The following CLSTN2 variants were observed in gnomAD, a reference collection of about 807,000 sequenced individuals.
CLSTN2 encodes the protein calsyntenin-2.
A neutral mutation model predicts 101.2 loss-of-function variants in CLSTN2; 48 were observed. That is an observed-to-expected ratio of 0.47 (90% CI 0.38 to 0.60). The LOEUF (loss-of-function observed/expected upper bound fraction) is 0.60, where lower values mean the gene tolerates loss of function less well. Among genes scored for constraint, CLSTN2 ranks in the 20% least tolerant of loss-of-function variants. The pLI is 0.00. For synonymous variants in CLSTN2, 481 were observed against 463.6 expected (o/e 1.04, Z -0.48); for missense variants, 1,160 against 1,238.2 (o/e 0.94, Z 0.95).
At chr3:140,158,298 A>C (rs1576449477) in intron 1 of CLSTN2, among the ~76,000 whole-genome samples, 1 of 152,356 alleles carries the variant, frequency 6.6e-6, no homozygotes, top group East Asian at 1.9e-4. Flanking sequence ...ATATACCAGG[A>C]AAAACCTAAA....
intron 1 of CLSTN2, among the ~76,000 whole-genome samples, chr3:139,971,940 C>T (rs1278845369): frequency 6.6e-6 from 1 of 151,948 alleles, no homozygotes; most frequent in Non-Finnish European, 1.5e-5. Flanking sequence ...TGAGGAGGGT[C>T]AGGGAGACTG....
intron 3 of CLSTN2, 23 bp downstream of exon 3, chr3:140,403,847 C>G (rs370042302): frequency 1.4e-5 from 22 of 1,581,936 alleles, no homozygotes; most frequent in African/African-American, 2.7e-5. Context: ...ACAGAGCCCT[C>G]TGGACGCCCC....
At chr3:140,105,865 G>C (rs573627180) in intron 1 of CLSTN2, among the ~76,000 whole-genome samples, 1 of 152,302 alleles carries the variant, frequency 6.6e-6, no homozygotes, top group South Asian at 2.1e-4. Flanking sequence ...CAGCACATGG[G>C]ACCCTCTCTG....
chr3:139,999,845 C>G (rs973121411), intron 1 of CLSTN2, among the ~76,000 whole-genome samples: 3 of 151,986 alleles, frequency 2.0e-5, no homozygotes, highest in Non-Finnish European at 2.9e-5. Context: ...GTCCCAGCTA[C>G]TCAGGATGCT....
chr3:140,512,368 T>C (rs1934832108), intron 8 of CLSTN2, among the ~76,000 whole-genome samples: 1 of 152,226 alleles, frequency 6.6e-6, no homozygotes. Flanking sequence ...ATTTATTAAA[T>C]AGGGAATGCT....
intron 2 of CLSTN2, among the ~76,000 whole-genome samples, chr3:140,373,290 G>A (rs764351458): frequency 3.3e-5 from 5 of 152,132 alleles, no homozygotes; most frequent in African/African-American, 4.8e-5. Context: ...AAACCCTGAG[G>A]ACTGTTGTTC....
intron 1 of CLSTN2, among the ~76,000 whole-genome samples, chr3:140,124,131 G>A (rs992922328): frequency 6.6e-6 from 1 of 152,036 alleles, no homozygotes; most frequent in African/African-American, 2.4e-5. Context: ...AAGGCATATG[G>A]GGAACAGAGA....
intron 2 of CLSTN2, among the ~76,000 whole-genome samples, chr3:140,215,896 A>T (rs1412697260): frequency 6.6e-6 from 1 of 152,236 alleles, no homozygotes; most frequent in African/African-American, 2.4e-5. Flanking sequence ...TTTTGTTAAG[A>T]AAGTGGAAAC....
At chr3:140,197,048 A>G (rs1330967547) in intron 2 of CLSTN2, among the ~76,000 whole-genome samples, 1 of 152,236 alleles carries the variant, frequency 6.6e-6, no homozygotes, top group Non-Finnish European at 1.5e-5. Flanking sequence ...AAGCTTAAAG[A>G]CATGACAAAA....
intron 4 of CLSTN2, among the ~76,000 whole-genome samples, chr3:140,419,677 A>ACG: frequency 4.7e-5 from 3 of 63,554 alleles, no homozygotes; most frequent in Admixed American, 1.3e-4. Context: ...ATGAATATGT[A>ACG]TATACGTATA....
rs544804510 is a variant in CLSTN2, at chr3:140,369,628, G to A, written c.233-34001G>A. Among the ~76,000 whole-genome samples the A allele has an allele frequency of 3.9e-5, 6 of 152,140 alleles. No homozygotes were observed. In the South Asian group the frequency reaches 1.2e-3, roughly 32 times the overall value. On this transcript the variant is annotated intron_variant, in intron 2 of 16. Transcript: ENST00000458420. ...TGGTCCTTTCAACTTCTGCTTGGCCGCATGAGTTGGAGCTAAATATTAGCC... is the reference window on the plus strand; with the variant it reads ...TGGTCCTTTCAACTTCTGCTTGGCCACATGAGTTGGAGCTAAATATTAGCC...
At chr3:140,349,040 G>A (rs997228203) in intron 2 of CLSTN2, among the ~76,000 whole-genome samples, 2 of 152,200 alleles carry the variant, frequency 1.3e-5, no homozygotes, top group Admixed American at 1.3e-4. Context: ...CTCATGGGAG[G>A]TGATTAGATC....
At chr3:140,344,040 G>A (rs1289412234) in intron 2 of CLSTN2, among the ~76,000 whole-genome samples, 1 of 152,144 alleles carries the variant, frequency 6.6e-6, no homozygotes, top group African/African-American at 2.4e-5. Flanking sequence ...TGTTCCAGTT[G>A]GCTATAATTG....
intron 8 of CLSTN2, among the ~76,000 whole-genome samples, chr3:140,512,512 A>T (rs555940563): frequency 1.3e-5 from 2 of 152,276 alleles, no homozygotes; most frequent in East Asian, 3.9e-4. Flanking sequence ...TGTTTTGATT[A>T]CTATAGTCTT....
Position 140,171,908 on chromosome 3 carries a change from A to ATGTG in CLSTN2, c.110-4029_110-4026dup, listed in dbSNP as rs564965179. Among the ~76,000 whole-genome samples the ATGTG allele has an allele frequency of 3.4e-3, 446 of 130,278 alleles. 15 individuals carry two copies. In the East Asian group the frequency reaches 0.066, roughly 19 times the overall value. 85.5% of individuals were successfully genotyped at this position (130,278 alleles called of 152,430 possible). On this transcript the variant is annotated intron_variant, in intron 1 of 16. Transcript: ENST00000458420. ...TATTATATAATATATATTATATATT[A>ATGTG]TGTGTGTGTGTGTGTGTTTGCACTT... is the stretch of plus-strand genomic sequence containing the variant.
intron 1 of CLSTN2, among the ~76,000 whole-genome samples, chr3:140,142,403 G>A (rs1229812818): frequency 6.6e-6 from 1 of 152,176 alleles, no homozygotes; most frequent in African/African-American, 2.4e-5. Flanking sequence ...CCACACTGGG[G>A]CAGGCCTCTC....
chr3:140,067,902 G>A (rs1226551677), intron 1 of CLSTN2, among the ~76,000 whole-genome samples: 2 of 152,180 alleles, frequency 1.3e-5, no homozygotes, highest in African/African-American at 4.8e-5. Context: ...CTGTCTCTCT[G>A]GTTGAAAGGA....
intron 1 of CLSTN2, among the ~76,000 whole-genome samples, chr3:140,002,753 AG>A (rs2006868472): frequency 1.3e-5 from 2 of 152,192 alleles, no homozygotes; most frequent in African/African-American, 4.8e-5. Flanking sequence ...AGCAAGAGAT[AG>A]GAGTCAAGTT....
intron 8 of CLSTN2, among the ~76,000 whole-genome samples, chr3:140,532,005 C>CT (rs1321345003): frequency 6.6e-6 from 1 of 152,150 alleles, no homozygotes; most frequent in Non-Finnish European, 1.5e-5. Flanking sequence ...GTGCCCTGTA[C>CT]TGAGTCCAGG....
Sources: gnomAD v4.1 joint callset for allele counts (sites outside exome capture counted in the v4.1 genomes callset) on GRCh38, gnomAD v4.1.1 for gene constraint, MANE v1.5 for transcripts, NCBI Gene and HGNC (gene_info 2026-07-23, HGNC 2026-07-21) for gene names.